The following SPINT2 variants were observed in gnomAD, a reference collection of about 807,000 sequenced individuals.
The protein encoded by SPINT2 is kunitz-type protease inhibitor 2.
In SPINT2, 18 loss-of-function variants were observed where a neutral mutation model predicts 30.1. That is an observed-to-expected ratio of 0.60 (90% CI 0.41 to 0.89). The LOEUF is 0.89. Ranked by LOEUF, SPINT2 falls within the 40% of genes least tolerant of loss-of-function variation. The probability of loss-of-function intolerance (pLI) is 0.00; values close to 1 mark genes in which losing one functional copy is unlikely to be tolerated. For missense variants in SPINT2, 276 were observed against 334.3 expected (o/e 0.83, Z 1.36); for synonymous variants, 139 against 137.9 (o/e 1.01, Z -0.05).
rs201264028 is a variant in SPINT2 at position 38,290,236 on chromosome 19, A to G, written c.509A>G (p.Lys170Arg). 90 of 1,612,254 alleles carry G rather than the reference A, an allele frequency of 5.6e-5. No homozygotes were observed. Among genetic ancestry groups the G allele is most frequent in the Admixed American group, 1.2e-4 (7 of 60,006 alleles). Residue 170 changes from lysine (K) to arginine (R), a missense_variant, in exon 5 of 7, where the codon AAG becomes AGG. By Grantham distance (26) the Lys-to-Arg change is conservative (BLOSUM62 2). Coordinates refer to ENST00000301244, the MANE Select transcript of SPINT2 (RefSeq NM_021102.4). The surrounding 1 kb of genome is among the most constrained non-coding windows in gnomAD (Gnocchi z 4.3). ...NFIYGGCRGN[K>R]NSYRSEEACM... ...ATCTATGGAGGCTGCCGGGGCAATAAGAACAGCTACCGCTCTGAGGAGGCC... is the reference window on the plus strand; with the variant it reads ...ATCTATGGAGGCTGCCGGGGCAATAGGAACAGCTACCGCTCTGAGGAGGCC...
intron 1 of SPINT2, among the ~76,000 whole-genome samples, chr19:38,278,700 G>T (rs1237864130): frequency 6.6e-6 from 1 of 152,172 alleles, no homozygotes; most frequent in Non-Finnish European, 1.5e-5. Context: ...TACTCAGGAG[G>T]CTGAGATGGA....
At chr19:38,268,762 C>CGT (rs35138811) in intron 1 of SPINT2, among the ~76,000 whole-genome samples, 12,153 of 127,696 alleles carry the variant, frequency 0.095, 606 homozygotes, top group East Asian at 0.33. Context: ...AGCATGCGCG[C>CGT]GCGCGTGTGT....
At chr19:38,267,080 A>G (rs527595712) in intron 1 of SPINT2, among the ~76,000 whole-genome samples, 1 of 152,256 alleles carries the variant, frequency 6.6e-6, no homozygotes, top group East Asian at 1.9e-4. Flanking sequence ...CGGTAGTAGT[A>G]ATTGACAAAG....
In SPINT2 at chr19:38,290,269, T is replaced by G; in HGVS notation, c.542T>G (p.Leu181Arg). The part of the protein sequence containing the change: ...NSYRSEEACM[L>R]RCFRQQENPP... ...TACCGCTCTGAGGAGGCCTGCATGC[T>G]CCGCTGCTTCCGTAAGTCTGCAGCC... The change falls in exon 5 of 7, where the codon CTC becomes CGC. Residue 181 changes from leucine (L) to arginine (R), a missense_variant. Physicochemically the swap from Leu to Arg is moderately radical, Grantham distance 102. Coordinates refer to ENST00000301244, the MANE Select transcript of SPINT2 (RefSeq NM_021102.4). The surrounding 1 kb of genome is among the most constrained non-coding windows in gnomAD (Gnocchi z 4.3). 1.9e-6 allele frequency: 3 copies of G among 1,611,882 alleles called. No individual in the cohort carries two copies. The highest frequency in any genetic ancestry group is 2.5e-6 in the Non-Finnish European group (3 of 1,179,856).
chr19:38,291,858 T>C lies in SPINT2; in HGVS notation c.611T>C (p.Leu204Pro), dbSNP rs772251531. The C allele has an allele frequency of 2.5e-6, 4 of 1,612,818 alleles. No individual in the cohort carries two copies. The highest frequency in any genetic ancestry group is 1.1e-5 in the South Asian group (1 of 91,006). ...TCCTCAGTGGTGGTTCTGGCGGGGC[T>C]GTTCGTGATGGTGTTGATCCTCTTC... is the stretch of plus-strand genomic sequence containing the variant. ...LGSKVVVLAG[L>P]FVMVLILFLG... The change falls in exon 7 of 7, where the codon CTG becomes CCG. Residue 204 changes from leucine (L) to proline (P), a missense_variant. Transcript: ENST00000301244.
At chr19:38,273,571 T>A (rs1418349815) in intron 1 of SPINT2, among the ~76,000 whole-genome samples, 3 of 152,228 alleles carry the variant, frequency 2.0e-5, no homozygotes, top group Admixed American at 2.0e-4. Flanking sequence ...TGCAAGTAGG[T>A]GTGGAAAGCA....
rs1451999434 is a variant in SPINT2 at position 38,289,701 on chromosome 19, G to A, written c.392-418G>A. 4 of 289,596 alleles carry A rather than the reference G, an allele frequency of 1.4e-5. No homozygotes were observed. The East Asian group carries it at 2.8e-4, about 20-fold the overall frequency. The allele number at this position is 289,596 out of a possible 1,614,324, so 17.9% of individuals were successfully genotyped here. A position where few individuals can be genotyped will look rare whatever the true frequency, so the allele number is the denominator to read the frequency against. On this transcript the variant is annotated intron_variant, in intron 4 of 6. Coordinates refer to ENST00000301244, the MANE Select transcript of SPINT2 (RefSeq NM_021102.4). ...CCGCCAGCAGTGGGAAGGAGGCTGC[G>A]CCTGTGGAGATGTGCGTTAGAGGCG...
chr19:38,289,064 TCCAGAC>T, intron 3 of SPINT2, 68 bp from the exon 4 acceptor site: 3 of 1,433,758 alleles, frequency 2.1e-6, no homozygotes, highest in Admixed American at 1.7e-5. Context: ...AGTGGGCCCT[TCCAGAC>T]CCAGACCCAG....
chr19:38,265,087 G>A lies in SPINT2; in HGVS notation c.106+89G>A. The A allele has an allele frequency of 3.7e-6, 4 of 1,077,230 alleles. No individual in the cohort carries two copies. The South Asian group carries it at 4.7e-5, about 13-fold the overall frequency. The allele number at this position is 1,077,230 out of a possible 1,614,324, so 66.7% of individuals were successfully genotyped here. On this transcript the variant is annotated intron_variant, in intron 1 of 6. Coordinates refer to ENST00000301244, the MANE Select transcript of SPINT2 (RefSeq NM_021102.4). The stretch of plus-strand genomic sequence containing the variant: ...GGTCTGAGCAGGGAGAACTGGCGGG[G>A]GAGGAAACTGGGGGCTACTTGATGG...
At chr19:38,289,716 C>G in intron 4 of SPINT2, 1 of 314,646 alleles carries the variant, frequency 3.2e-6, no homozygotes, top group African/African-American at 2.2e-5. Flanking sequence ...TGGAGATGTG[C>G]GTTAGAGGCG....
intron 6 of SPINT2, 51 bp from the exon 7 acceptor site, chr19:38,291,789 G>T (rs1432922593): frequency 1.3e-6 from 2 of 1,599,984 alleles, no homozygotes; most frequent in South Asian, 1.1e-5. Flanking sequence ...CGCCACTCTG[G>T]CTGCAACTCC....
intron 1 of SPINT2, among the ~76,000 whole-genome samples, chr19:38,273,854 C>G (rs905456654): frequency 2.6e-5 from 4 of 152,166 alleles, no homozygotes; most frequent in African/African-American, 7.2e-5. Flanking sequence ...ATGTGTCATT[C>G]TCTTTATTCT....
At position 38,264,593 on chromosome 19, in the gene SPINT2, C is replaced by G. The variant is rs1001561837; in HGVS notation, c.-300C>G. ...CGTTCGCCATTGGCTCTGGCGACCT[C>G]CGCGCGTTGGGAGGTGTAGCGCGGC... On this transcript the variant is annotated 5_prime_UTR_variant, in exon 1 of 7. Transcript: ENST00000301244. The G allele has an allele frequency of 2.9e-6, 1 of 338,994 alleles. No individual in the cohort carries two copies. The highest frequency in any genetic ancestry group is 2.2e-5 in the African/African-American group (1 of 45,692). The allele number at this position is 338,994 out of a possible 1,614,324, so 21.0% of individuals were successfully genotyped here.
rs914825186 is a variant in SPINT2, at chr19:38,265,117, C to G, written c.106+119C>G. On this transcript the variant is annotated intron_variant, in intron 1 of 6. Coordinates refer to ENST00000301244, the MANE Select transcript of SPINT2 (RefSeq NM_021102.4). The stretch of plus-strand genomic sequence containing the variant: ...AAACTGGGGGCTACTTGATGGCGTT[C>G]AGCGGGTGTGGTGGAACCAGCCCTG... 17 of 873,034 alleles carry G rather than the reference C, an allele frequency of 1.9e-5. No individual in the cohort carries two copies. The African/African-American group carries it at 2.9e-4, about 15-fold the overall frequency. The allele number at this position is 873,034 out of a possible 1,614,324, so 54.1% of individuals were successfully genotyped here. A position where few individuals can be genotyped will look rare whatever the true frequency, so the allele number is the denominator to read the frequency against.
chr19:38,272,180 G>A (rs1290301567), intron 1 of SPINT2, among the ~76,000 whole-genome samples: 3 of 152,144 alleles, frequency 2.0e-5, no homozygotes, highest in East Asian at 1.9e-4. Flanking sequence ...CAGCCTGGGC[G>A]ACAGAGCGAG....
At chr19:38,287,727 TC>T in intron 2 of SPINT2, 148 bp from the exon 3 acceptor site, 1 of 858,084 alleles carries the variant, frequency 1.2e-6, no homozygotes, top group Non-Finnish European at 2.0e-6. Flanking sequence ...GTTCCTTATT[TC>T]CAAGTTGTGG....
intron 1 of SPINT2, among the ~76,000 whole-genome samples, chr19:38,278,645 A>G (rs1269675055): frequency 6.6e-6 from 1 of 152,088 alleles, no homozygotes; most frequent in Non-Finnish European, 1.5e-5. Flanking sequence ...CTTTACAAAA[A>G]ATTAAAGTTA....
Position 38,285,203 on chromosome 19 carries a change from C to T in SPINT2, c.277+1406C>T, listed in dbSNP as rs75787636. Among the ~76,000 whole-genome samples the T allele has an allele frequency of 2.6e-3, 390 of 152,236 alleles. 10 individuals are homozygous for T. The East Asian group carries it at 0.05, about 19-fold the overall frequency. On this transcript the variant is annotated intron_variant, in intron 2 of 6. Coordinates refer to ENST00000301244, the MANE Select transcript of SPINT2 (RefSeq NM_021102.4). ...CTCACAGTTTAAATTAAAACCTAAA[C>T]CTCCCAGCAGCGTGCCCTGGCTCTT...
At chr19:38,289,824 A>G (rs926236974) in intron 4 of SPINT2, 2 of 452,490 alleles carry the variant, frequency 4.4e-6, no homozygotes, top group Admixed American at 3.4e-5. Context: ...CAGAGTTCCC[A>G]TGTATAAAAT....
Sources: gnomAD v4.1 joint callset for allele counts (sites outside exome capture counted in the v4.1 genomes callset) on GRCh38, gnomAD v4.1.1 for gene constraint, Gnocchi (gnomAD v3.1) non-coding constraint, MANE v1.5 for transcripts, NCBI Gene and HGNC (gene_info 2026-07-23, HGNC 2026-07-21) for gene names.